PSMD6: variants seen among roughly 807,000 people sequenced by gnomAD.
The protein encoded by PSMD6 is 26S proteasome non-ATPase regulatory subunit 6.
In PSMD6, 7 loss-of-function variants were observed where a neutral mutation model predicts 44.9. That is an observed-to-expected ratio of 0.16 (90% CI 0.09 to 0.29). The LOEUF (loss-of-function observed/expected upper bound fraction) is 0.29. PSMD6 is among the 10% of genes least tolerant of loss of function. The pLI, the probability that PSMD6 is intolerant of heterozygous loss-of-function variation, is 1.00. For synonymous variants in PSMD6, 184 were observed against 172.7 expected (o/e 1.07, Z -0.51); for missense variants, 420 against 482.6 (o/e 0.87, Z 1.21).
chr3:64,013,640 C>T, intron 5 of PSMD6, 33 bp from the exon 6 acceptor site: 4 of 1,546,708 alleles, frequency 2.6e-6, no homozygotes, highest in Middle Eastern at 1.7e-4. Context: ...TTATAATAGA[C>T]TCTCCGTTTC....
chr3:64,011,664 G>C (rs2075955828), intron 6 of PSMD6: 1 of 151,138 alleles, frequency 6.6e-6, no homozygotes, highest in South Asian at 2.1e-4. Flanking sequence ...AAAAAAAACT[G>C]AACAAATACT....
At chr3:64,016,110 C>T (rs1256474905) in intron 5 of PSMD6, 3 of 151,982 alleles carry the variant, frequency 2.0e-5, no homozygotes, top group African/African-American at 7.3e-5. Context: ...CGGCATGAAC[C>T]CGGGAGGCGG....
At chr3:64,020,025 C>G (rs962889618) in intron 2 of PSMD6, 1 of 152,154 alleles carries the variant, frequency 6.6e-6, no homozygotes, top group African/African-American at 2.4e-5. Context: ...ATACACCTAG[C>G]ACTAAGATCT....
chr3:64,019,632 C>A (rs990794651), intron 2 of PSMD6, 191 bp from the exon 3 acceptor site: 6 of 512,728 alleles, frequency 1.2e-5, no homozygotes, highest in African/African-American at 1.0e-4. Context: ...CTTTCTCTAC[C>A]TGTATAAAGT....
At chr3:64,011,962 A>C (rs1173271383) in intron 6 of PSMD6, 1 of 152,248 alleles carries the variant, frequency 6.6e-6, no homozygotes, top group Non-Finnish European at 1.5e-5. Context: ...CAGCCCTCTT[A>C]AGAGTGGTCA....
intron 2 of PSMD6, among the ~76,000 whole-genome samples, chr3:64,021,876 T>C (rs1349874854): frequency 6.6e-6 from 1 of 151,808 alleles, no homozygotes; most frequent in Non-Finnish European, 1.5e-5. Flanking sequence ...GAAAAGCCTA[T>C]CCCTGGGCAG....
chr3:64,023,470 T>G lies in PSMD6; in HGVS notation c.-51A>C, dbSNP rs754223699. ...AGGACACAACTTGGTTACGACCGGCTGCGGCAGCGGAAGCGGGAGGAGTCG... is the reference window on the plus strand; with the variant it reads ...AGGACACAACTTGGTTACGACCGGCGGCGGCAGCGGAAGCGGGAGGAGTCG... On this transcript the variant is annotated 5_prime_UTR_variant, in exon 1 of 8. Coordinates refer to ENST00000295901, the MANE Select transcript of PSMD6 (RefSeq NM_014814.3). The G allele has an allele frequency of 6.0e-6, 9 of 1,506,696 alleles. No individual in the cohort carries two copies. The highest frequency in any genetic ancestry group is 7.1e-6 in the Non-Finnish European group (8 of 1,119,918). 93.3% of individuals were successfully genotyped at this position (1,506,696 alleles called of 1,614,324 possible). A position where few individuals can be genotyped will look rare whatever the true frequency, so the allele number is the denominator to read the frequency against.
intron 5 of PSMD6, 44 bp downstream of exon 5, chr3:64,018,555 G>C (rs1576033619): frequency 7.2e-7 from 1 of 1,396,568 alleles, no homozygotes; most frequent in Non-Finnish European, 1.0e-6. Context: ...AGGATCAGGA[G>C]TAAGATGAAG....
intron 5 of PSMD6, chr3:64,014,811 A>T (rs1271030438): frequency 6.6e-6 from 1 of 152,316 alleles, no homozygotes; most frequent in Non-Finnish European, 1.5e-5. Context: ...CTGGTGCTCC[A>T]GTTTGGGGCT....
At position 64,013,561 on chromosome 3, in the gene PSMD6, A is replaced by G. The variant is rs1336651446; in HGVS notation, c.873T>C (p.His291=). ...EMKKDWLFAP[H]YRYYVREMRI... The stretch of plus-strand genomic sequence containing the variant: ...TCATTTCTCTTACATAGTATCGATA[A>G]TGAGGGGCAAAAAGCCAGTCCTTTT... The change falls in exon 6 of 8, where the codon CAT becomes CAC. Residue 291 remains histidine, a synonymous_variant. Transcript: ENST00000295901. 4 of 1,612,308 alleles carry G rather than the reference A, an allele frequency of 2.5e-6. No individual in the cohort carries two copies. Among genetic ancestry groups the G allele is most frequent in the Middle Eastern group, 1.6e-4 (1 of 6,080 alleles).
rs757884032 is a variant in PSMD6, at chr3:64,023,326, G to A, written c.94C>T (p.Arg32Cys). 2 of 1,602,424 alleles carry A rather than the reference G, an allele frequency of 1.2e-6. No individual in the cohort carries two copies. The highest frequency in any genetic ancestry group is 2.2e-5 in the South Asian group (2 of 89,534). ...TCGTCGCGCACGGCAGCGTCTCCGCGGTGCTCGGGCAGGCTGAGCAGGAAG... is the reference window on the plus strand; with the variant it reads ...TCGTCGCGCACGGCAGCGTCTCCGCAGTGCTCGGGCAGGCTGAGCAGGAAG... Reference protein sequence around the residue: ...LRFLLSLPEHRGDAAVRDELM... With the variant: ...LRFLLSLPEHCGDAAVRDELM... Residue 32 changes from arginine (R) to cysteine (C), a missense_variant, in exon 1 of 8, where the codon CGC (arginine) becomes TGC (cysteine). Arg to Cys is a radical substitution (Grantham distance 180). Coordinates refer to ENST00000295901, the MANE Select transcript of PSMD6 (RefSeq NM_014814.3).
chr3:64,021,677 G>T (rs2076134791), intron 2 of PSMD6, among the ~76,000 whole-genome samples: 1 of 152,058 alleles, frequency 6.6e-6, no homozygotes, highest in Non-Finnish European at 1.5e-5. Flanking sequence ...TGGGTGTGGT[G>T]GCGCACGCCT....
chr3:64,014,803 G>C (rs1025235165), intron 5 of PSMD6: 1 of 152,266 alleles, frequency 6.6e-6, no homozygotes, highest in Non-Finnish European at 1.5e-5. Context: ...GCATGAGTCT[G>C]GTGCTCCAGT....
chr3:64,022,199 G>A (rs2076143706), intron 2 of PSMD6, 119 bp downstream of exon 2: 1 of 1,131,454 alleles, frequency 8.8e-7, no homozygotes, highest in Non-Finnish European at 1.3e-6. Flanking sequence ...AAGCAAGCAT[G>A]ATTACCTTTA....
In PSMD6 at chr3:64,018,981, C is replaced by A. The variant is rs2076090641; in HGVS notation, c.554G>T (p.Gly185Val). Residue 185 changes from glycine to valine, a missense_variant, in exon 4 of 8, where the codon GGT becomes GTT. By Grantham distance (109) the Gly-to-Val change is moderately radical (BLOSUM62 -3). Around this residue, in one of 4 missense-constraint regions of PSMD6, gnomAD observed 216 missense variants for 227.0 expected, o/e 0.95. Coordinates refer to ENST00000295901, the MANE Select transcript of PSMD6 (RefSeq NM_014814.3). ...ATCACGAATAGCCACACAATAAAGACCCTGATACACTTTTAGGCGGTTTCT... is the reference window on the plus strand; with the variant it reads ...ATCACGAATAGCCACACAATAAAGAACCTGATACACTTTTAGGCGGTTTCT... ...DRRNRLKVYQGLYCVAIRDFK... is the reference protein window; with the variant it reads ...DRRNRLKVYQVLYCVAIRDFK... The A allele has an allele frequency of 1.2e-6, 2 of 1,612,856 alleles. No homozygotes were observed. Among genetic ancestry groups the A allele is most frequent in the Non-Finnish European group, 1.7e-6 (2 of 1,179,010 alleles).
At chr3:64,022,124 T>C (rs1446847556) in intron 2 of PSMD6, among the ~76,000 whole-genome samples, 194 bp downstream of exon 2, 1 of 152,202 alleles carries the variant, frequency 6.6e-6, no homozygotes, top group East Asian at 1.9e-4. Flanking sequence ...CTAGCTGCTG[T>C]TTGGGGAAAT....
At chr3:64,022,717 G>A in intron 1 of PSMD6, 194 bp from the exon 2 acceptor site, 2 of 1,536,624 alleles carry the variant, frequency 1.3e-6, no homozygotes, top group Non-Finnish European at 1.7e-6. Flanking sequence ...TTTGCGTGAC[G>A]GCCAATCCTG....
intron 1 of PSMD6, chr3:64,022,750 C>A (rs1324507200): frequency 7.2e-6 from 11 of 1,536,368 alleles, no homozygotes; most frequent in Non-Finnish European, 9.6e-6. Context: ...TCTACTAGGG[C>A]TGGAGGGAGG....
intron 5 of PSMD6, among the ~76,000 whole-genome samples, chr3:64,018,097 A>G (rs2076075588): frequency 6.6e-6 from 1 of 152,220 alleles, no homozygotes; most frequent in South Asian, 2.1e-4. Flanking sequence ...GCAAATCAGC[A>G]CAGAGATTTA....
Sources: gnomAD v4.1 joint callset for allele counts (sites outside exome capture counted in the v4.1 genomes callset) on GRCh38, gnomAD v4.1.1 for gene constraint, gnomAD v4.1.1 regional missense constraint, MANE v1.5 for transcripts, NCBI Gene and HGNC (gene_info 2026-07-23, HGNC 2026-07-21) for gene names.